Variants in CYSTM1 observed in about 807,000 individuals in gnomAD.
CYSTM1 encodes cysteine rich transmembrane module containing 1, also known as cysteine-rich transmembrane module-containing protein 1.
Under a neutral mutation model 13.1 loss-of-function variants are expected in CYSTM1, and 4 were observed. The observed-to-expected ratio is 0.31, with a 90% confidence interval of 0.15 to 0.70. The LOEUF (loss-of-function observed/expected upper bound fraction) is 0.70, where lower values mean the gene tolerates loss of function less well. Among genes scored for constraint, CYSTM1 ranks in the 30% least tolerant of loss-of-function variants. The pLI is 0.72. For synonymous variants in CYSTM1, 36 were observed against 42.7 expected, an observed-to-expected ratio of 0.84 and a Z score of 0.62; for missense variants, 96 against 121.6, an observed-to-expected ratio of 0.79 and a Z score of 0.99.
At chr5:140,218,642 T>G (rs2126666499) in intron 2 of CYSTM1, among the ~76,000 whole-genome samples, 2 of 152,328 alleles carry the variant, frequency 1.3e-5, no homozygotes, top group African/African-American at 4.8e-5. Context: ...CTATGTTCCT[T>G]GGTGGGCTGC....
chr5:140,240,820 A>G (rs1764738780), intron 2 of CYSTM1, among the ~76,000 whole-genome samples: 1 of 152,092 alleles, frequency 6.6e-6, no homozygotes, highest in Non-Finnish European at 1.5e-5. Context: ...TGGGCGACTG[A>G]AGCAAGGAAA....
At chr5:140,205,420 C>T (rs1764287723) in intron 2 of CYSTM1, among the ~76,000 whole-genome samples, 1 of 152,182 alleles carries the variant, frequency 6.6e-6, no homozygotes, top group South Asian at 2.1e-4. Flanking sequence ...GCCTTTTATA[C>T]TTTCTTTCAT....
At chr5:140,229,125 A>G (rs1350848687) in intron 2 of CYSTM1, among the ~76,000 whole-genome samples, 2 of 152,140 alleles carry the variant, frequency 1.3e-5, no homozygotes, top group Non-Finnish European at 2.9e-5. Flanking sequence ...ACTGATTTGT[A>G]GAGAATTTCT....
chr5:140,185,774 G>C (rs116549669), intron 1 of CYSTM1, among the ~76,000 whole-genome samples: 1 of 152,198 alleles, frequency 6.6e-6, no homozygotes, highest in African/African-American at 2.4e-5. Flanking sequence ...CTTCCTAGGA[G>C]AAGGCCTACA....
At chr5:140,224,768 G>A (rs189598949) in intron 2 of CYSTM1, among the ~76,000 whole-genome samples, 3 of 152,130 alleles carry the variant, frequency 2.0e-5, no homozygotes, top group Non-Finnish European at 2.9e-5. Flanking sequence ...GGATCCTCCC[G>A]CCTCAGCCTC....
chr5:140,212,922 C>G (rs568566864), intron 2 of CYSTM1, among the ~76,000 whole-genome samples: 1 of 149,268 alleles, frequency 6.7e-6, no homozygotes, highest in Non-Finnish European at 1.5e-5. Context: ...GAGCCATGAT[C>G]ATGCTAATGC....
intron 2 of CYSTM1, among the ~76,000 whole-genome samples, chr5:140,210,519 CTT>C (rs5871729): frequency 2.8e-4 from 41 of 148,040 alleles, no homozygotes; most frequent in Non-Finnish European, 2.7e-4. Flanking sequence ...TATTTTTCTT[CTT>C]TTTTTTTTTT....
intron 1 of CYSTM1, among the ~76,000 whole-genome samples, chr5:140,176,415 A>C (rs564561910): frequency 5.9e-5 from 9 of 152,374 alleles, no homozygotes; most frequent in African/African-American, 2.2e-4. Flanking sequence ...ACAATATGAT[A>C]CATGTAAACT....
In CYSTM1 at chr5:140,242,543, T is replaced by A. The variant is rs190164353; in HGVS notation, c.188-762T>A. 6.7e-4 allele frequency among the ~76,000 whole-genome samples: 102 copies of A among 152,330 alleles called. 1 individual carries two copies. The highest frequency in any genetic ancestry group is 1.3e-3 in the Non-Finnish European group (90 of 68,026). ...TTGACTAGCAGCCATTTAAAATATG[T>A]CCTTATGGGAAGAGAAGCTAATGCC... On this transcript the variant is annotated intron_variant, in intron 2 of 2. Transcript: ENST00000261811.
chr5:140,226,168 A>C (rs1159954979), intron 2 of CYSTM1, among the ~76,000 whole-genome samples: 2 of 152,162 alleles, frequency 1.3e-5, no homozygotes, highest in African/African-American at 2.4e-5. Context: ...TTACATGCAT[A>C]ATCTCTTCAT....
At chr5:140,240,504 G>A (rs1764735464) in intron 2 of CYSTM1, among the ~76,000 whole-genome samples, 1 of 151,808 alleles carries the variant, frequency 6.6e-6, no homozygotes, top group Non-Finnish European at 1.5e-5. Flanking sequence ...AGTGGCCCAG[G>A]ACCCAGGTAG....
rs185255115 is a variant in CYSTM1, at chr5:140,187,141, A to G, written c.-20-7305A>G. ...ACTCTATCTCAAAAAACAAACAAAC[A>G]AATAAACAAACACCTCAGTAATTCT... is the stretch of plus-strand genomic sequence containing the variant. On this transcript the variant is annotated intron_variant, in intron 1 of 2. Coordinates refer to ENST00000261811, the MANE Select transcript of CYSTM1 (RefSeq NM_032412.4). Among the ~76,000 whole-genome samples the G allele has an allele frequency of 1.0e-3, 152 of 149,778 alleles. 1 individual carries two copies. Among genetic ancestry groups the G allele is most frequent in the Middle Eastern group, 3.4e-3 (1 of 292 alleles).
intron 2 of CYSTM1, among the ~76,000 whole-genome samples, chr5:140,226,532 TTA>T (rs1299039051): frequency 6.8e-5 from 8 of 117,158 alleles, no homozygotes; most frequent in East Asian, 6.5e-4. Flanking sequence ...TATAATATAT[TTA>T]TATATATTAA....
intron 2 of CYSTM1, among the ~76,000 whole-genome samples, chr5:140,228,358 A>C (rs949890478): frequency 6.6e-6 from 1 of 152,188 alleles, no homozygotes; most frequent in Non-Finnish European, 1.5e-5. Context: ...TCATATGTAA[A>C]GATTTCCGCC....
chr5:140,194,722 GC>G, intron 2 of CYSTM1, 70 bp downstream of exon 2: 1 of 1,514,506 alleles, frequency 6.6e-7, no homozygotes. Context: ...GTTTTCTTTG[GC>G]AGAGAAGAAA....
At chr5:140,183,691 T>A (rs751572282) in intron 1 of CYSTM1, among the ~76,000 whole-genome samples, 22 of 152,228 alleles carry the variant, frequency 1.4e-4, no homozygotes, top group Non-Finnish European at 2.9e-4. Flanking sequence ...CAGGATCCAT[T>A]AGACAAGGGG....
intron 1 of CYSTM1, among the ~76,000 whole-genome samples, chr5:140,178,904 T>C (rs962040455): frequency 6.6e-6 from 1 of 152,010 alleles, no homozygotes; most frequent in Non-Finnish European, 1.5e-5. Context: ...GCCTGGACTT[T>C]TTGCTGGTTT....
intron 2 of CYSTM1, among the ~76,000 whole-genome samples, chr5:140,218,703 C>T (rs1012342567): frequency 1.2e-4 from 18 of 152,236 alleles, no homozygotes; most frequent in African/African-American, 4.1e-4. Flanking sequence ...CAGATGATGA[C>T]AGCAGCATTG....
At chr5:140,228,902 G>A in intron 2 of CYSTM1, 1 of 398,288 alleles carries the variant, frequency 2.5e-6, no homozygotes, top group Non-Finnish European at 4.4e-6. Context: ...AACAACTACT[G>A]TTGCACAATT....
Sources: allele counts gnomAD v4.1 joint callset (sites outside exome capture counted in the v4.1 genomes callset), GRCh38; gene constraint gnomAD v4.1.1; transcripts MANE v1.5; gene names NCBI Gene and HGNC (gene_info 2026-07-23, HGNC 2026-07-21).